Variants in MAPKAP1 observed in about 807,000 individuals in gnomAD.
MAPKAP1 encodes the protein target of rapamycin complex 2 subunit MAPKAP1.
Under a neutral mutation model 65.7 loss-of-function variants are expected in MAPKAP1, and 20 were observed. The observed-to-expected ratio is 0.30, with a 90% CI of 0.21 to 0.44. The LOEUF is 0.44. Among genes scored for constraint, MAPKAP1 ranks in the 20% least tolerant of loss-of-function variants. MAPKAP1 has a pLI of 1.00. For synonymous variants in MAPKAP1, 222 were observed against 244.3 expected (o/e 0.91, Z 0.85); for missense variants, 423 against 648.0 (o/e 0.65, Z 3.77).
intron 5 of MAPKAP1, chr9:125,565,741 CAAAAAAAA>C (rs71374275): frequency 1.3e-3 from 191 of 148,498 alleles, no homozygotes; most frequent in Non-Finnish European, 1.6e-3. Flanking sequence ...TTCTCTCCTG[CAAAAAAAA>C]AAAAAAAAAA....
At chr9:125,483,334 A>G (rs544255399) in intron 9 of MAPKAP1, among the ~76,000 whole-genome samples, 14 of 152,334 alleles carry the variant, frequency 9.2e-5, no homozygotes, top group African/African-American at 2.6e-4. Flanking sequence ...CTTAATCACT[A>G]AGCTGTATTG....
At chr9:125,476,786 G>A (rs534347663) in intron 9 of MAPKAP1, among the ~76,000 whole-genome samples, 19 of 152,164 alleles carry the variant, frequency 1.2e-4, no homozygotes, top group Non-Finnish European at 1.9e-4. Context: ...TAATAACTGC[G>A]GTAGGAAAGA....
intron 6 of MAPKAP1, among the ~76,000 whole-genome samples, chr9:125,543,707 T>C (rs999942374): frequency 1.3e-5 from 2 of 152,198 alleles, no homozygotes; most frequent in African/African-American, 2.4e-5. Context: ...CAGTTCCATG[T>C]GAGAGAGGTC....
intron 9 of MAPKAP1, among the ~76,000 whole-genome samples, chr9:125,474,171 G>A (rs1342713028): frequency 2.0e-5 from 3 of 152,140 alleles, no homozygotes; most frequent in Admixed American, 2.0e-4. Flanking sequence ...GAATTGGAGG[G>A]CGAGAAGAAT....
chr9:125,577,959 T>C (rs1298722688), intron 5 of MAPKAP1, among the ~76,000 whole-genome samples: 1 of 151,574 alleles, frequency 6.6e-6, no homozygotes, highest in Non-Finnish European at 1.5e-5. Flanking sequence ...GAACAGGCCA[T>C]GATGACAATG....
At chr9:125,464,765 T>C (rs1330179552) in intron 10 of MAPKAP1, among the ~76,000 whole-genome samples, 1 of 152,188 alleles carries the variant, frequency 6.6e-6, no homozygotes, top group African/African-American at 2.4e-5. Flanking sequence ...TGTGTAATTA[T>C]GTATTTCCCT....
intron 4 of MAPKAP1, among the ~76,000 whole-genome samples, chr9:125,593,531 G>A (rs903003926): frequency 3.0e-4 from 45 of 151,784 alleles, no homozygotes; most frequent in African/African-American, 1.0e-3. Flanking sequence ...GTGTGGTGGC[G>A]TGCGCCTGTA....
chr9:125,649,650 G>A (rs1461334857), intron 4 of MAPKAP1, among the ~76,000 whole-genome samples: 4 of 151,992 alleles, frequency 2.6e-5, no homozygotes, highest in African/African-American at 7.3e-5. Context: ...AAAAAGCACT[G>A]CCTCAGATTC....
At chr9:125,652,044 T>G in intron 4 of MAPKAP1, 1 of 1,098,836 alleles carries the variant, frequency 9.1e-7, no homozygotes, top group Non-Finnish European at 1.2e-6. Context: ...GAATAGCATA[T>G]TTTCCAAGTT....
intron 4 of MAPKAP1, among the ~76,000 whole-genome samples, chr9:125,613,416 C>A (rs758974541): frequency 3.1e-4 from 47 of 152,164 alleles, no homozygotes; most frequent in African/African-American, 1.1e-3. Context: ...CTCCTTCTCA[C>A]GACACTCAGA....
At chr9:125,628,794 C>A (rs1367025464) in intron 4 of MAPKAP1, among the ~76,000 whole-genome samples, 1 of 152,012 alleles carries the variant, frequency 6.6e-6, no homozygotes, top group East Asian at 1.9e-4. Flanking sequence ...TGCAACAGGA[C>A]AAAATATTTG....
chr9:125,506,462 G>A, intron 7 of MAPKAP1, 45 bp from the exon 8 acceptor site: 1 of 1,499,682 alleles, frequency 6.7e-7, no homozygotes, highest in Non-Finnish European at 9.3e-7. Flanking sequence ...GTCTGAAACA[G>A]CGAATTTAAC....
At chr9:125,576,990 A>G (rs1227387783) in intron 5 of MAPKAP1, among the ~76,000 whole-genome samples, 1 of 150,000 alleles carries the variant, frequency 6.7e-6, no homozygotes, top group Admixed American at 6.6e-5. Context: ...ATCGTCTGGG[A>G]TGTGAGGAGC....
chr9:125,675,097 A>G (rs1834607466), intron 1 of MAPKAP1, among the ~76,000 whole-genome samples: 1 of 152,160 alleles, frequency 6.6e-6, no homozygotes, highest in African/African-American at 2.4e-5. Context: ...GCATAGTATC[A>G]CAGATCAGAG....
chr9:125,588,678 CTT>C (rs1250255438), intron 4 of MAPKAP1, among the ~76,000 whole-genome samples: 2 of 152,178 alleles, frequency 1.3e-5, no homozygotes, highest in Non-Finnish European at 2.9e-5. Context: ...CTACAGTACT[CTT>C]GTTTCATCTG....
intron 1 of MAPKAP1, among the ~76,000 whole-genome samples, chr9:125,681,766 G>A (rs1460786577): frequency 1.3e-5 from 2 of 152,108 alleles, no homozygotes; most frequent in African/African-American, 2.4e-5. Context: ...ATACTACACT[G>A]CACCTATGTA....
intron 7 of MAPKAP1, among the ~76,000 whole-genome samples, chr9:125,525,684 A>AAAAAAC (rs71374273): frequency 0.29 from 42,433 of 146,918 alleles, 7,159 homozygotes; most frequent in Non-Finnish European, 0.39. Flanking sequence ...AAACAAAACA[A>AAAAAAC]AAAAACAAAA....
At chr9:125,605,537 T>C (rs1832415895) in intron 4 of MAPKAP1, among the ~76,000 whole-genome samples, 1 of 152,196 alleles carries the variant, frequency 6.6e-6, no homozygotes, top group Non-Finnish European at 1.5e-5. Flanking sequence ...ACACTTTGCA[T>C]TCACTGGTAT....
intron 1 of MAPKAP1, among the ~76,000 whole-genome samples, chr9:125,688,102 C>G (rs909235457): frequency 1.3e-5 from 2 of 152,130 alleles, no homozygotes; most frequent in Non-Finnish European, 2.9e-5. Flanking sequence ...GTTAACTTTG[C>G]TAGGTATTTT....
Sources: gnomAD v4.1 joint callset for allele counts (sites outside exome capture counted in the v4.1 genomes callset) on GRCh38, gnomAD v4.1.1 for gene constraint, MANE v1.5 for transcripts, NCBI Gene and HGNC (gene_info 2026-07-23, HGNC 2026-07-21) for gene names.